Variants in ALKBH5 observed in about 807,000 individuals in gnomAD.
ALKBH5 encodes RNA demethylase ALKBH5.
A neutral mutation model predicts 32.1 loss-of-function variants in ALKBH5; 2 were observed. That is an observed-to-expected ratio of 0.06 (90% CI 0.03 to 0.20). The LOEUF (loss-of-function observed/expected upper bound fraction) is 0.20. ALKBH5 is among the 10% of genes least tolerant of loss of function. ALKBH5 has a pLI of 1.00. For synonymous variants in ALKBH5, 300 were observed against 231.7 expected (o/e 1.29, Z -2.68); for missense variants, 352 against 559.5 (o/e 0.63, Z 3.74).
chr17:18,186,081 T>G (rs539186495), intron 1 of ALKBH5, among the ~76,000 whole-genome samples: 15 of 152,118 alleles, frequency 9.9e-5, no homozygotes, highest in Non-Finnish European at 2.1e-4. Flanking sequence ...CTTCTTGATA[T>G]GAGATTAGGT....
intron 2 of ALKBH5, among the ~76,000 whole-genome samples, chr17:18,203,071 TAAAAAA>T (rs771396075): frequency 0.013 from 1,761 of 133,518 alleles, 42 homozygotes; most frequent in African/African-American, 0.045. Context: ...GATTGTCTTT[TAAAAAA>T]AAAAAAAAAA....
rs1421104412 is a variant in ALKBH5, at chr17:18,184,029, A to C, written c.-215A>C. ...GACGTGGAGAAGGTGGAGGAGGAAG[A>C]AGCCCCGTTGTCGCCACCGTTGCAT... On this transcript the variant is annotated 5_prime_UTR_variant, in exon 1 of 4. Coordinates refer to ENST00000399138, the MANE Select transcript of ALKBH5 (RefSeq NM_017758.4). 1 of 675,394 alleles carries C rather than the reference A, an allele frequency of 1.5e-6. No homozygotes were observed. The highest frequency in any genetic ancestry group is 2.7e-6 in the Non-Finnish European group (1 of 371,530). 41.8% of individuals were successfully genotyped at this position (675,394 alleles called of 1,614,324 possible). A position where few individuals can be genotyped will look rare whatever the true frequency, so the allele number is the denominator to read the frequency against.
intron 2 of ALKBH5, among the ~76,000 whole-genome samples, chr17:18,201,257 C>G (rs1328351092): frequency 1.3e-5 from 2 of 152,328 alleles, no homozygotes; most frequent in Admixed American, 1.3e-4. Flanking sequence ...AAGTCTGTGT[C>G]CACGTGCATA....
intron 2 of ALKBH5, among the ~76,000 whole-genome samples, chr17:18,199,746 A>G (rs185054832): frequency 1.3e-5 from 2 of 152,048 alleles, no homozygotes; most frequent in Non-Finnish European, 2.9e-5. Context: ...TGCCATTCCA[A>G]CACAAAGCAG....
At chr17:18,202,572 A>C (rs907967488) in intron 2 of ALKBH5, among the ~76,000 whole-genome samples, 1 of 152,122 alleles carries the variant, frequency 6.6e-6, no homozygotes, top group Admixed American at 6.6e-5. Context: ...TGGAAAGCCA[A>C]GCTTTTAGCA....
chr17:18,208,103 C>T (rs552300994), intron 3 of ALKBH5, 116 bp from the exon 4 acceptor site: 29 of 1,125,144 alleles, frequency 2.6e-5, no homozygotes, highest in Non-Finnish European at 3.4e-5. Flanking sequence ...GACTACCCTT[C>T]GTTGAGGACC....
chr17:18,208,696 T>C lies in ALKBH5; in HGVS notation c.*300T>C, dbSNP rs2047286331. 2 of 510,998 alleles carry C rather than the reference T, an allele frequency of 3.9e-6. No individual in the cohort carries two copies. The highest frequency in any genetic ancestry group is 6.7e-5 in the Admixed American group (2 of 29,978). The allele number at this position is 510,998 out of a possible 1,614,324, so 31.7% of individuals were successfully genotyped here. ...GGTGGTGGAGCAGAGCAGCCATCTTTTAAGTGGGGCTGTATCAGGCTGGGT... is the reference window on the plus strand; with the variant it reads ...GGTGGTGGAGCAGAGCAGCCATCTTCTAAGTGGGGCTGTATCAGGCTGGGT... On this transcript the variant is annotated 3_prime_UTR_variant, in exon 4 of 4. Transcript: ENST00000399138.
intron 1 of ALKBH5, among the ~76,000 whole-genome samples, chr17:18,191,461 C>T (rs1215939226): frequency 6.6e-6 from 1 of 152,166 alleles, no homozygotes; most frequent in Non-Finnish European, 1.5e-5. Flanking sequence ...TGTTCTAGAG[C>T]CCTTTGGGGG....
At chr17:18,195,138 C>G in intron 2 of ALKBH5, 103 bp downstream of exon 2, 2 of 877,074 alleles carry the variant, frequency 2.3e-6, no homozygotes, top group Non-Finnish European at 3.6e-6. Context: ...AGTGGCATGG[C>G]AGAGTGGAGA....
intron 2 of ALKBH5, among the ~76,000 whole-genome samples, chr17:18,200,968 T>G (rs1007474169): frequency 3.3e-5 from 5 of 152,070 alleles, no homozygotes; most frequent in Admixed American, 6.5e-5. Context: ...TGTGAGAGAT[T>G]GTAGGAAGCG....
chr17:18,196,641 A>G (rs891722193), intron 2 of ALKBH5, among the ~76,000 whole-genome samples: 2 of 152,242 alleles, frequency 1.3e-5, no homozygotes, highest in Non-Finnish European at 2.9e-5. Context: ...AAGAATATAT[A>G]CTATCAATGT....
intron 1 of ALKBH5, among the ~76,000 whole-genome samples, chr17:18,188,052 A>G (rs1215090611): frequency 6.6e-6 from 1 of 152,226 alleles, no homozygotes; most frequent in Admixed American, 6.5e-5. Flanking sequence ...AAGTGCTTCA[A>G]ACTCCTTTCC....
At chr17:18,199,302 A>G (rs926705454) in intron 2 of ALKBH5, among the ~76,000 whole-genome samples, 1 of 152,206 alleles carries the variant, frequency 6.6e-6, no homozygotes, top group African/African-American at 2.4e-5. Flanking sequence ...TAACCCTGGA[A>G]GGGGAGGCTG....
intron 1 of ALKBH5, among the ~76,000 whole-genome samples, chr17:18,186,305 C>T (rs1468113398): frequency 6.6e-6 from 1 of 152,116 alleles, no homozygotes; most frequent in African/African-American, 2.4e-5. Flanking sequence ...ATCTTCATGG[C>T]GCTCCTAGAT....
At position 18,192,666 on chromosome 17, in the gene ALKBH5, A is replaced by G. The variant is rs576500627; in HGVS notation, c.771-2289A>G. On this transcript the variant is annotated intron_variant, in intron 1 of 3. Transcript: ENST00000399138. ...TTCAACTCACTAACTCCTGTGTGGT[A>G]CTTCTCACTGTGGGCTGATGGGTAT... Among the ~76,000 whole-genome samples the G allele has an allele frequency of 3.9e-5, 6 of 152,290 alleles. No homozygotes were observed. In the East Asian group the frequency reaches 1.2e-3, roughly 29 times the overall value.
At chr17:18,198,730 G>A (rs1156273731) in intron 2 of ALKBH5, among the ~76,000 whole-genome samples, 1 of 152,182 alleles carries the variant, frequency 6.6e-6, no homozygotes, top group Admixed American at 6.5e-5. Context: ...GAAGGAAATG[G>A]GTGGGCAGCT....
intron 2 of ALKBH5, among the ~76,000 whole-genome samples, chr17:18,205,744 C>T (rs897207899): frequency 2.0e-5 from 3 of 152,194 alleles, no homozygotes; most frequent in Admixed American, 1.3e-4. Flanking sequence ...CCAAGGATGC[C>T]AAGCAGCCTA....
At position 18,184,406 on chromosome 17, in the gene ALKBH5, G is replaced by C. The variant is rs1413768781; in HGVS notation, c.163G>C (p.Gly55Arg). Residue 55 changes from glycine (G) to arginine (R), a missense_variant, in exon 1 of 4, where the codon GGG becomes CGG. Physicochemically the swap from Gly to Arg is moderately radical, Grantham distance 125. This residue lies in a region of ALKBH5 where 144 missense variants were observed against 125.8 expected (regional missense o/e 1.14). Transcript: ENST00000399138. Reference protein sequence around the residue: ...AAAAEPYPVSGAKRKYQEDSD... With the variant: ...AAAAEPYPVSRAKRKYQEDSD... Reference sequence around the variant, plus strand: ...TGCCGCCGAACCTTACCCTGTGTCCGGGGCCAAGCGCAAGTATCAGGAGGA... The same window carrying C: ...TGCCGCCGAACCTTACCCTGTGTCCCGGGCCAAGCGCAAGTATCAGGAGGA... The C allele has an allele frequency of 1.9e-6, 3 of 1,570,344 alleles. No individual in the cohort carries two copies. Among genetic ancestry groups the C allele is most frequent in the Non-Finnish European group, 2.6e-6 (3 of 1,158,748 alleles).
intron 2 of ALKBH5, among the ~76,000 whole-genome samples, chr17:18,204,463 AAT>A (rs1186388305): frequency 2.2e-5 from 3 of 139,208 alleles, no homozygotes; most frequent in African/African-American, 8.2e-5. Context: ...AAAAAAAAAA[AAT>A]AGAAAAGGTA....
Sources: allele counts gnomAD v4.1 joint callset (sites outside exome capture counted in the v4.1 genomes callset), GRCh38; gene constraint gnomAD v4.1.1; regional missense constraint gnomAD v4.1.1; transcripts MANE v1.5; gene names NCBI Gene and HGNC (gene_info 2026-07-23, HGNC 2026-07-21).